The following KCNN2 variants were observed in gnomAD, a reference collection of about 807,000 sequenced individuals.
KCNN2 encodes potassium calcium-activated channel subfamily N member 2.
In KCNN2, 24 loss-of-function variants were observed where a neutral mutation model predicts 55.5. That is an observed-to-expected ratio of 0.43 (90% CI 0.31 to 0.61). KCNN2 has a LOEUF of 0.61. Among genes scored for constraint, KCNN2 ranks in the 20% least tolerant of loss-of-function variants. The probability of loss-of-function intolerance (pLI) is 0.08; values close to 1 mark genes in which losing one functional copy is unlikely to be tolerated. For missense variants in KCNN2, 754 were observed against 853.6 expected (o/e 0.88, Z 1.45); for synonymous variants, 431 against 336.1 (o/e 1.28, Z -3.09).
At chr5:114,208,866 A>C (rs943426863) in intron 1 of KCNN2, among the ~76,000 whole-genome samples, 7 of 152,134 alleles carry the variant, frequency 4.6e-5, no homozygotes, top group African/African-American at 1.7e-4. Flanking sequence ...TGACCTCTCA[A>C]CAACATCTTC....
Position 114,341,884 on chromosome 5 carries a change from C to G in KCNN2, c.-184-19061C>G, listed in dbSNP as rs376258597. On this transcript the variant is annotated intron_variant, in intron 2 of 10. Transcript: ENST00000512097. ...GTTAAAATAGAGCATAAAACAGACACTAGAAAGTTTTCATAATGTGTTTTT... is the reference window on the plus strand; with the variant it reads ...GTTAAAATAGAGCATAAAACAGACAGTAGAAAGTTTTCATAATGTGTTTTT... Among the ~76,000 whole-genome samples, 27 of 150,682 alleles carry G rather than the reference C, an allele frequency of 1.8e-4. 1 individual carries two copies. The East Asian group carries it at 4.9e-3, about 27-fold the overall frequency.
intron 2 of KCNN2, among the ~76,000 whole-genome samples, chr5:114,275,007 C>G (rs975916520): frequency 6.6e-6 from 1 of 152,154 alleles, no homozygotes; most frequent in African/African-American, 2.4e-5. Flanking sequence ...AGATGTGTTC[C>G]ACTGATACCT....
intron 1 of KCNN2, among the ~76,000 whole-genome samples, chr5:114,173,080 A>G (rs1753069577): frequency 6.6e-6 from 1 of 151,904 alleles, no homozygotes; most frequent in Non-Finnish European, 1.5e-5. Context: ...TTAGATGTAC[A>G]TCTTTAATTC....
chr5:114,362,688 G>GCAC lies in KCNN2; in HGVS notation c.563_565dup (p.His188dup), dbSNP rs902486279. 4.1e-5 allele frequency: 59 copies of GCAC among 1,453,548 alleles called. 1 individual carries two copies. The highest frequency in any genetic ancestry group is 2.7e-4 in the Admixed American group (10 of 36,978). 90.0% of individuals were successfully genotyped at this position (1,453,548 alleles called of 1,614,324 possible). ...GTCTGGGCTCCGGGCCCCCGCTCTC[G>GCAC]CACCACCACCACCACCCGCACCCGG... On this transcript the variant is annotated inframe_insertion, in exon 1 of 8. Coordinates refer to ENST00000673685, the MANE Select transcript of KCNN2 (RefSeq NM_021614.4).
At chr5:114,150,193 A>G (rs1561496570) in intron 1 of KCNN2, among the ~76,000 whole-genome samples, 17 of 152,190 alleles carry the variant, frequency 1.1e-4, no homozygotes, top group Non-Finnish European at 1.5e-5. Flanking sequence ...TTCGTCTTGT[A>G]TTCCGTAGTA....
At chr5:114,385,088 T>C (rs1332690610) in intron 2 of KCNN2, among the ~76,000 whole-genome samples, 1 of 152,188 alleles carries the variant, frequency 6.6e-6, no homozygotes, top group Non-Finnish European at 1.5e-5. Context: ...TGCAGATGTG[T>C]TGCCCTATTT....
intron 7 of KCNN2, among the ~76,000 whole-genome samples, chr5:114,494,686 C>A (rs1308399126): frequency 6.6e-6 from 1 of 151,956 alleles, no homozygotes; most frequent in Non-Finnish European, 1.5e-5. Flanking sequence ...GATGCTGTTT[C>A]TTTATTAATG....
intron 2 of KCNN2, among the ~76,000 whole-genome samples, chr5:114,324,641 G>A (rs912578708): frequency 7.2e-5 from 11 of 152,298 alleles, no homozygotes; most frequent in South Asian, 2.1e-4. Context: ...AGAAAGTAAC[G>A]TTGTTTTAAG....
chr5:114,435,260 T>G (rs1351872118), intron 3 of KCNN2, among the ~76,000 whole-genome samples: 1 of 152,076 alleles, frequency 6.6e-6, no homozygotes, highest in East Asian at 1.9e-4. Flanking sequence ...CAGAGGTGGT[T>G]TTTGGGTGGT....
intron 1 of KCNN2, among the ~76,000 whole-genome samples, chr5:114,167,205 G>A (rs1252805103): frequency 6.6e-6 from 1 of 152,028 alleles, no homozygotes; most frequent in Non-Finnish European, 1.5e-5. Context: ...TCTCAGCTGA[G>A]GTCATAGACA....
At chr5:114,225,682 C>G (rs1042670227) in intron 2 of KCNN2, among the ~76,000 whole-genome samples, 1 of 150,258 alleles carries the variant, frequency 6.7e-6, no homozygotes, top group Non-Finnish European at 1.5e-5. Context: ...AAGTTATCTA[C>G]AAAGAAAAAA....
chr5:114,278,756 C>G (rs546001345), intron 2 of KCNN2, among the ~76,000 whole-genome samples: 1 of 152,178 alleles, frequency 6.6e-6, no homozygotes. Context: ...GTGTACCGCT[C>G]CTCCAGGTAC....
chr5:114,212,196 A>G (rs986945219), intron 1 of KCNN2, among the ~76,000 whole-genome samples: 3 of 152,010 alleles, frequency 2.0e-5, no homozygotes, highest in African/African-American at 7.2e-5. Context: ...CTATAGTGAA[A>G]TATTATTTGG....
chr5:114,407,261 T>C (rs566585634), intron 3 of KCNN2, among the ~76,000 whole-genome samples: 39 of 152,078 alleles, frequency 2.6e-4, no homozygotes, highest in African/African-American at 8.7e-4. Context: ...ATGGCCCTCC[T>C]ATATTATTCC....
At chr5:114,225,414 A>G (rs1377240735) in intron 2 of KCNN2, among the ~76,000 whole-genome samples, 1 of 152,210 alleles carries the variant, frequency 6.6e-6, no homozygotes. Flanking sequence ...CACATAGAAC[A>G]GAAAAGGTGG....
intron 1 of KCNN2, among the ~76,000 whole-genome samples, chr5:114,160,188 A>G (rs192186501): frequency 2.3e-4 from 35 of 152,190 alleles, no homozygotes; most frequent in Admixed American, 2.2e-3. Context: ...TGTCCCAGAG[A>G]TTCTGGTATG....
intron 2 of KCNN2, among the ~76,000 whole-genome samples, chr5:114,221,939 A>G (rs1343576448): frequency 6.6e-6 from 1 of 152,228 alleles, no homozygotes; most frequent in East Asian, 1.9e-4. Context: ...AAAATACTAT[A>G]GCTTCTTTCG....
At chr5:114,269,146 G>A (rs1488554801) in intron 2 of KCNN2, among the ~76,000 whole-genome samples, 1 of 152,084 alleles carries the variant, frequency 6.6e-6, no homozygotes, top group Non-Finnish European at 1.5e-5. Context: ...GAAAAGTCAA[G>A]TTTTTCTAAG....
intron 1 of KCNN2, among the ~76,000 whole-genome samples, chr5:114,100,965 T>G (rs562088395): frequency 6.6e-6 from 1 of 150,642 alleles, no homozygotes; most frequent in Non-Finnish European, 1.5e-5. Flanking sequence ...AGATCTCTTT[T>G]CAAAATATTT....
Sources: gnomAD v4.1 joint callset for allele counts (sites outside exome capture counted in the v4.1 genomes callset) on GRCh38, gnomAD v4.1.1 for gene constraint, MANE v1.5 for transcripts, NCBI Gene and HGNC (gene_info 2026-07-23, HGNC 2026-07-21) for gene names.